Variants in SGCZ observed in about 807,000 individuals in gnomAD.
SGCZ encodes the protein sarcoglycan zeta, also known as zeta-sarcoglycan.
In SGCZ, 40 loss-of-function variants were observed where a neutral mutation model predicts 41.3. The observed-to-expected ratio is 0.97, with a 90% CI of 0.75 to 1.26. The LOEUF is 1.26. SGCZ is among the 50% of genes most tolerant of loss of function. The pLI is 0.00. For synonymous variants in SGCZ, 206 were observed against 137.5 expected, an observed-to-expected ratio of 1.50 and a Z score of -3.49; for missense variants, 552 against 369.8, an observed-to-expected ratio of 1.49 and a Z score of -4.04.
chr8:14,898,216 T>C (rs1221507261), intron 1 of SGCZ, among the ~76,000 whole-genome samples: 1 of 151,950 alleles, frequency 6.6e-6, no homozygotes, highest in Non-Finnish European at 1.5e-5. Context: ...TCCCAAAGCA[T>C]AGGAACTACA....
intron 1 of SGCZ, among the ~76,000 whole-genome samples, chr8:14,791,560 C>A (rs1319478873): frequency 6.6e-6 from 1 of 152,134 alleles, no homozygotes; most frequent in African/African-American, 2.4e-5. Flanking sequence ...CTAGAGCTGA[C>A]AAAATCATCA....
chr8:14,431,719 G>A (rs187874657), intron 2 of SGCZ, among the ~76,000 whole-genome samples: 115 of 152,228 alleles, frequency 7.6e-4, no homozygotes, highest in Non-Finnish European at 1.2e-3. Context: ...CTTTTGCACG[G>A]CAAAAAGAAC....
At position 14,113,571 on chromosome 8, in the gene SGCZ, T is replaced by A. The variant is rs575582500; in HGVS notation, c.548-5336A>T. ...CTTTTGTTTTTTAATTCTAGTTTGA[T>A]TAATGGTAAAACCATATTCCACACA... On this transcript the variant is annotated intron_variant, in intron 5 of 7. Transcript: ENST00000382080. 2.0e-5 allele frequency among the ~76,000 whole-genome samples: 3 copies of A among 152,114 alleles called. No individual in the cohort carries two copies. The South Asian group carries it at 6.2e-4, about 32-fold the overall frequency.
intron 1 of SGCZ, among the ~76,000 whole-genome samples, chr8:15,124,430 T>C (rs534544049): frequency 1.8e-4 from 28 of 152,282 alleles, no homozygotes; most frequent in African/African-American, 6.3e-4. Flanking sequence ...CAAAACTCTG[T>C]TCCAATTCTG....
chr8:14,854,802 C>T (rs977401592), intron 1 of SGCZ, among the ~76,000 whole-genome samples: 1 of 151,936 alleles, frequency 6.6e-6, no homozygotes, highest in African/African-American at 2.4e-5. Flanking sequence ...CAATTGGGAT[C>T]AGTCTCCCAG....
At chr8:14,548,486 G>A (rs1394691384) in intron 2 of SGCZ, among the ~76,000 whole-genome samples, 1 of 152,096 alleles carries the variant, frequency 6.6e-6, no homozygotes, top group Admixed American at 6.6e-5. Flanking sequence ...GGGTTTTTGA[G>A]AAAAATGAAT....
At chr8:14,286,395 G>C (rs553381282) in intron 3 of SGCZ, among the ~76,000 whole-genome samples, 1 of 152,206 alleles carries the variant, frequency 6.6e-6, no homozygotes, top group African/African-American at 2.4e-5. Context: ...ATTAGCGAAT[G>C]CGTGCAGAGT....
intron 2 of SGCZ, among the ~76,000 whole-genome samples, chr8:14,492,741 C>T (rs1467273269): frequency 1.3e-5 from 2 of 152,090 alleles, no homozygotes; most frequent in Non-Finnish European, 2.9e-5. Context: ...GGAAAAGTTC[C>T]ATTTCGTGAT....
At chr8:14,360,156 A>G (rs1803455874) in intron 2 of SGCZ, among the ~76,000 whole-genome samples, 1 of 152,172 alleles carries the variant, frequency 6.6e-6, no homozygotes, top group African/African-American at 2.4e-5. Context: ...AGCTAGTATC[A>G]TACTTAATGG....
At chr8:14,675,129 AC>A (rs1808232490) in intron 1 of SGCZ, among the ~76,000 whole-genome samples, 1 of 150,404 alleles carries the variant, frequency 6.6e-6, no homozygotes, top group Non-Finnish European at 1.5e-5. Flanking sequence ...TTTAGTAGAG[AC>A]AGGCTTTCAC....
At chr8:14,491,617 G>C (rs1401403537) in intron 2 of SGCZ, among the ~76,000 whole-genome samples, 1 of 152,134 alleles carries the variant, frequency 6.6e-6, no homozygotes, top group Admixed American at 6.5e-5. Flanking sequence ...ATATATGTGT[G>C]TTAATGTTTG....
At chr8:14,168,871 A>C (rs1804289531) in intron 4 of SGCZ, among the ~76,000 whole-genome samples, 1 of 152,192 alleles carries the variant, frequency 6.6e-6, no homozygotes, top group Admixed American at 6.5e-5. Flanking sequence ...TTAACCATTT[A>C]GCGGACTTAC....
chr8:15,126,335 T>C (rs1042959638), intron 1 of SGCZ, among the ~76,000 whole-genome samples: 1 of 152,204 alleles, frequency 6.6e-6, no homozygotes, highest in African/African-American at 2.4e-5. Context: ...TCCAAATGCA[T>C]GGATTTATAC....
intron 2 of SGCZ, among the ~76,000 whole-genome samples, chr8:14,511,435 CTG>C (rs1394687063): frequency 6.6e-6 from 1 of 151,814 alleles, no homozygotes; most frequent in Non-Finnish European, 1.5e-5. Context: ...CAGAGAAAAA[CTG>C]AGAGTAATTT....
chr8:14,166,049 GC>G (rs1162108923), intron 4 of SGCZ, among the ~76,000 whole-genome samples: 1 of 151,984 alleles, frequency 6.6e-6, no homozygotes, highest in Non-Finnish European at 1.5e-5. Flanking sequence ...TTCTCCAAAA[GC>G]CATATGTATT....
intron 1 of SGCZ, among the ~76,000 whole-genome samples, chr8:14,792,737 T>G (rs1179619563): frequency 6.6e-6 from 1 of 152,004 alleles, no homozygotes; most frequent in African/African-American, 2.4e-5. Context: ...CCCTTTCTCT[T>G]TAAGCACCTA....
At chr8:15,229,767 G>A (rs1801887046) in intron 1 of SGCZ, among the ~76,000 whole-genome samples, 1 of 152,140 alleles carries the variant, frequency 6.6e-6, no homozygotes, top group African/African-American at 2.4e-5. Context: ...TTGATTTATT[G>A]TATCATGTTT....
chr8:14,367,781 G>A (rs1026491661), intron 2 of SGCZ, among the ~76,000 whole-genome samples: 2 of 152,028 alleles, frequency 1.3e-5, no homozygotes, highest in African/African-American at 2.4e-5. Context: ...AACACTTGGG[G>A]ACTGCAATTC....
At chr8:14,219,449 C>G (rs916046233) in intron 4 of SGCZ, among the ~76,000 whole-genome samples, 5 of 152,132 alleles carry the variant, frequency 3.3e-5, no homozygotes, top group Non-Finnish European at 7.3e-5. Context: ...ACAACCAGCA[C>G]TTCAAAAGTT....
Sources: allele counts gnomAD v4.1 joint callset (sites outside exome capture counted in the v4.1 genomes callset), GRCh38; gene constraint gnomAD v4.1.1; transcripts MANE v1.5; gene names NCBI Gene and HGNC (gene_info 2026-07-23, HGNC 2026-07-21).